ARFGEF2: variants seen among roughly 807,000 people sequenced by gnomAD.
ARFGEF2 encodes brefeldin A-inhibited guanine nucleotide-exchange protein 2.
In ARFGEF2, 74 loss-of-function variants were observed where a neutral mutation model predicts 219.9. The ratio of observed to expected loss-of-function variants is 0.34; its 90% CI spans 0.28 to 0.41. ARFGEF2 has a LOEUF of 0.41. Ranked by LOEUF, ARFGEF2 falls within the 10% of genes least tolerant of loss-of-function variation. The pLI, the probability that ARFGEF2 is intolerant of heterozygous loss-of-function variation, is 1.00. For missense variants in ARFGEF2, 1,743 were observed against 2,218.3 expected, an observed-to-expected ratio of 0.79 and a Z score of 4.30; for synonymous variants, 733 against 799.2, an observed-to-expected ratio of 0.92 and a Z score of 1.40.
In ARFGEF2 at chr20:49,036,236, G is replaced by A. The variant is rs2091665397; in HGVS notation, c.*3037G>A. On this transcript the variant is annotated 3_prime_UTR_variant, in exon 39 of 39. Transcript: ENST00000371917. Reference sequence around the variant, plus strand: ...CATAGCTGAACTCACATGGAATCCTGGAGTTTTGTTATCAGCAGCTTTGCA... The same window carrying A: ...CATAGCTGAACTCACATGGAATCCTAGAGTTTTGTTATCAGCAGCTTTGCA... The A allele has an allele frequency of 2.5e-6, 1 of 398,216 alleles. No individual in the cohort carries two copies. The highest frequency in any genetic ancestry group is 2.1e-5 in the African/African-American group (1 of 48,700). 24.7% of individuals were successfully genotyped at this position (398,216 alleles called of 1,614,324 possible). A position where few individuals can be genotyped will look rare whatever the true frequency, so the allele number is the denominator to read the frequency against.
chr20:48,935,727 C>T (rs1568689864), intron 1 of ARFGEF2, among the ~76,000 whole-genome samples: 4 of 144,804 alleles, frequency 2.8e-5, no homozygotes, highest in Admixed American at 1.4e-4. Context: ...GGGGGGCTGA[C>T]ACCCCCACCT....
At chr20:48,973,403 A>G (rs2091240647) in intron 12 of ARFGEF2, 119 bp downstream of exon 12, 1 of 1,021,986 alleles carries the variant, frequency 9.8e-7, no homozygotes, top group Admixed American at 2.0e-5. Flanking sequence ...ACAGGAATGC[A>G]TATTCACACA....
At chr20:49,031,687 A>T (rs911057391) in intron 37 of ARFGEF2, among the ~76,000 whole-genome samples, 2 of 152,098 alleles carry the variant, frequency 1.3e-5, no homozygotes, top group African/African-American at 4.8e-5. Context: ...AAGCCAAGGC[A>T]GACAGATTGC....
Position 49,011,948 on chromosome 20 carries a change from C to T in ARFGEF2, c.3782C>T (p.Pro1261Leu), listed in dbSNP as rs2091501678. 3 of 1,614,206 alleles carry T rather than the reference C, an allele frequency of 1.9e-6. No homozygotes were observed. The highest frequency in any genetic ancestry group is 2.5e-6 in the Non-Finnish European group (3 of 1,180,052). The change falls in exon 28 of 39, where the codon CCT (proline) becomes CTT (leucine). Residue 1261 changes from proline to leucine, a missense_variant. Pro to Leu is a moderately conservative substitution (Grantham distance 98, BLOSUM62 -3). Around this residue, in one of 5 missense-constraint regions of ARFGEF2, gnomAD observed 578 missense variants for 664.0 expected, o/e 0.87. Transcript: ENST00000371917. ...IVTTIFQHHFPAAIDSFQDAV... is the reference protein window; with the variant it reads ...IVTTIFQHHFLAAIDSFQDAV... ...GCAACTATTTTCCAGCACCATTTTCCTGCAGCCATCGATTCCTTTCAGGAT... is the reference window on the plus strand; with the variant it reads ...GCAACTATTTTCCAGCACCATTTTCTTGCAGCCATCGATTCCTTTCAGGAT...
chr20:48,956,192 C>T (rs1456528422), intron 6 of ARFGEF2, among the ~76,000 whole-genome samples: 1 of 152,246 alleles, frequency 6.6e-6, no homozygotes, highest in African/African-American at 2.4e-5. Flanking sequence ...GGGGCTCTCC[C>T]ACAGACTGTC....
In ARFGEF2 at chr20:48,984,718, G is replaced by C; in HGVS notation, c.1959-11G>C. 1 of 1,613,980 alleles carries C rather than the reference G, an allele frequency of 6.2e-7. No individual in the cohort carries two copies. Among genetic ancestry groups the C allele is most frequent in the Non-Finnish European group, 8.5e-7 (1 of 1,180,008 alleles). ...AATAAGCAACTTGTGTCCCATCTCT[G>C]CTTGAAACAGGTTCAACAAGAAACC... On this transcript the variant is annotated splice_polypyrimidine_tract_variant and intron_variant, in intron 14 of 38. Coordinates refer to ENST00000371917, the MANE Select transcript of ARFGEF2 (RefSeq NM_006420.3).
At chr20:48,970,041 G>T (rs546178919) in intron 9 of ARFGEF2, among the ~76,000 whole-genome samples, 2 of 152,350 alleles carry the variant, frequency 1.3e-5, no homozygotes, top group South Asian at 4.1e-4. Flanking sequence ...TAGGCTGGGT[G>T]CGGTGGCTCA....
chr20:49,026,879 C>T lies in ARFGEF2; in HGVS notation c.4924+1398C>T, dbSNP rs567341215. ...AGGATTACAGGCATGAGCCACTGCA[C>T]CTGGCCTTGTTATCATTACTTTTTG... is the stretch of plus-strand genomic sequence containing the variant. On this transcript the variant is annotated intron_variant, in intron 36 of 38. Coordinates refer to ENST00000371917, the MANE Select transcript of ARFGEF2 (RefSeq NM_006420.3). Among the ~76,000 whole-genome samples, 9 of 152,198 alleles carry T rather than the reference C, an allele frequency of 5.9e-5. No homozygotes were observed. The East Asian group carries it at 1.7e-3, about 29-fold the overall frequency.
At position 49,036,150 on chromosome 20, in the gene ARFGEF2, G is replaced by A; in HGVS notation, c.*2951G>A. On this transcript the variant is annotated 3_prime_UTR_variant, in exon 39 of 39. Coordinates refer to ENST00000371917, the MANE Select transcript of ARFGEF2 (RefSeq NM_006420.3). ...ATGCAAATGGATATTGGTTTCAATA[G>A]AAGCTGGATCCTTAATACTGCATTT... 2.5e-6 allele frequency: 1 copy of A among 398,292 alleles called. No homozygotes were observed. Among genetic ancestry groups the A allele is most frequent in the East Asian group, 3.6e-5 (1 of 27,992 alleles). The allele number at this position is 398,292 out of a possible 1,614,324, so 24.7% of individuals were successfully genotyped here. A position where few individuals can be genotyped will look rare whatever the true frequency, so the allele number is the denominator to read the frequency against.
chr20:49,011,292 T>G (rs976220760), intron 27 of ARFGEF2, among the ~76,000 whole-genome samples: 4 of 152,238 alleles, frequency 2.6e-5, no homozygotes, highest in Non-Finnish European at 5.9e-5. Flanking sequence ...ATCTAGTTCC[T>G]TATCTCCATA....
rs537145787 is a variant in ARFGEF2, at chr20:48,994,738, C to T, written c.3121+140C>T. On this transcript the variant is annotated intron_variant, in intron 22 of 38. Coordinates refer to ENST00000371917, the MANE Select transcript of ARFGEF2 (RefSeq NM_006420.3). ...GACAGTGTTCATGAATGCAAGTGGA[C>T]GTGCTGCTTTGGCCTCTTAATTGTG... The T allele has an allele frequency of 1.0e-5, 13 of 1,287,274 alleles. No individual in the cohort carries two copies. The East Asian group carries it at 1.8e-4, about 18-fold the overall frequency. The allele number at this position is 1,287,274 out of a possible 1,614,324, so 79.7% of individuals were successfully genotyped here. A position where few individuals can be genotyped will look rare whatever the true frequency, so the allele number is the denominator to read the frequency against.
chr20:48,943,360 T>C (rs2091005905), intron 3 of ARFGEF2, among the ~76,000 whole-genome samples: 1 of 152,224 alleles, frequency 6.6e-6, no homozygotes, highest in African/African-American at 2.4e-5. Flanking sequence ...GAAGACTGAC[T>C]GTATTTAGAG....
At chr20:48,958,288 A>G (rs1271251618) in intron 6 of ARFGEF2, among the ~76,000 whole-genome samples, 2 of 152,198 alleles carry the variant, frequency 1.3e-5, no homozygotes, top group Non-Finnish European at 2.9e-5. Context: ...ACTGGTAAGG[A>G]AACTGAGGCT....
At chr20:48,931,098 G>A (rs1338978821) in intron 1 of ARFGEF2, among the ~76,000 whole-genome samples, 2 of 152,256 alleles carry the variant, frequency 1.3e-5, no homozygotes, top group Admixed American at 6.5e-5. Context: ...AGCTGTTTTG[G>A]TGGCATGATG....
Position 48,985,414 on chromosome 20 carries a change from G to A in ARFGEF2, c.2077G>A (p.Val693Ile). 1 of 1,614,184 alleles carries A rather than the reference G, an allele frequency of 6.2e-7. No homozygotes were observed. The highest frequency in any genetic ancestry group is 8.5e-7 in the Non-Finnish European group (1 of 1,180,042). Reference sequence around the variant, plus strand: ...GTGAGTGTGTATGTTTCAGACCCAAGTAGGCGATTTTCTGGGAGATAGCGC... The same window carrying A: ...GTGAGTGTGTATGTTTCAGACCCAAATAGGCGATTTTCTGGGAGATAGCGC... ...HQEERLDSTQ[V>I]GDFLGDSARF... Residue 693 changes from valine (V) to isoleucine (I), a missense_variant, in exon 16 of 39, where the codon GTA becomes ATA. Val to Ile is a conservative substitution (Grantham distance 29). Coordinates refer to ENST00000371917, the MANE Select transcript of ARFGEF2 (RefSeq NM_006420.3).
At position 48,930,372 on chromosome 20, in the gene ARFGEF2, G is replaced by A. The variant is rs111838756; in HGVS notation, c.121+8362G>A. ...TTTTGGTAGGGACATTCAAACCATC[G>A]CAGGCAGTTACCATTGTTCAGGTGA... On this transcript the variant is annotated intron_variant, in intron 1 of 38. Transcript: ENST00000371917. Among the ~76,000 whole-genome samples the A allele has an allele frequency of 2.8e-3, 425 of 152,314 alleles. 4 individuals are homozygous for A. The highest frequency in any genetic ancestry group is 2.2e-3 in the Non-Finnish European group (149 of 68,036).
At chr20:49,007,161 G>A (rs996807716) in intron 26 of ARFGEF2, among the ~76,000 whole-genome samples, 71 of 152,258 alleles carry the variant, frequency 4.7e-4, no homozygotes, top group African/African-American at 1.7e-3. Flanking sequence ...CATTTGGAAA[G>A]GGAATCTTAC....
chr20:48,927,072 C>T (rs2090882046), intron 1 of ARFGEF2, among the ~76,000 whole-genome samples: 1 of 152,104 alleles, frequency 6.6e-6, no homozygotes, highest in Admixed American at 6.5e-5. Context: ...AGTCAGCTCT[C>T]CCAAAGTTTG....
At chr20:48,974,450 AT>A (rs1240316952) in intron 12 of ARFGEF2, among the ~76,000 whole-genome samples, 7 of 151,672 alleles carry the variant, frequency 4.6e-5, no homozygotes, top group African/African-American at 7.3e-5. Flanking sequence ...AAAATTTAAA[AT>A]TTTTTTTTAA....
Sources: gnomAD v4.1 joint callset for allele counts (sites outside exome capture counted in the v4.1 genomes callset) on GRCh38, gnomAD v4.1.1 for gene constraint, gnomAD v4.1.1 regional missense constraint, MANE v1.5 for transcripts, NCBI Gene and HGNC (gene_info 2026-07-23, HGNC 2026-07-21) for gene names.